Variants in SMARCC1 observed in about 807,000 individuals in gnomAD.
The protein encoded by SMARCC1 is SWI/SNF related BAF chromatin remodeling complex subunit C1.
Under a neutral mutation model 147.4 loss-of-function variants are expected in SMARCC1, and 43 were observed. The observed-to-expected ratio is 0.29, with a 90% confidence interval of 0.23 to 0.38. The LOEUF (loss-of-function observed/expected upper bound fraction) is 0.38, where lower values mean the gene tolerates loss of function less well. Ranked by LOEUF, SMARCC1 falls within the 10% of genes least tolerant of loss-of-function variation. The probability of loss-of-function intolerance (pLI) is 1.00; values close to 1 mark genes in which losing one functional copy is unlikely to be tolerated. For missense variants in SMARCC1, 1,119 were observed against 1,381.1 expected (o/e 0.81, Z 3.01); for synonymous variants, 495 against 484.4 (o/e 1.02, Z -0.29).
At chr3:47,760,448 G>A (rs2034760563) in intron 2 of SMARCC1, among the ~76,000 whole-genome samples, 2 of 152,056 alleles carry the variant, frequency 1.3e-5, no homozygotes, top group Non-Finnish European at 2.9e-5. Flanking sequence ...AGTTACCTGA[G>A]GTCAGGAGTT....
rs543450272 is a variant in SMARCC1, at chr3:47,752,040, C to T, written c.316-6047G>A. Among the ~76,000 whole-genome samples the T allele has an allele frequency of 6.6e-5, 10 of 152,224 alleles. No homozygotes were observed. The South Asian group carries it at 8.3e-4, about 13-fold the overall frequency. On this transcript the variant is annotated intron_variant, in intron 2 of 27. Transcript: ENST00000254480. ...CAGAGGTTGCGATGAACCGAGATTG[C>T]GCCACTGTACTCCAGCCTGAGTGAC...
At chr3:47,682,271 G>A (rs1391667672) in intron 14 of SMARCC1, among the ~76,000 whole-genome samples, 1 of 150,156 alleles carries the variant, frequency 6.7e-6, no homozygotes, top group Non-Finnish European at 1.5e-5. Flanking sequence ...CTCCAGCCTG[G>A]GGGACAGAGC....
At chr3:47,661,995 CTTT>C (rs11336122) in intron 20 of SMARCC1, among the ~76,000 whole-genome samples, 11 of 142,444 alleles carry the variant, frequency 7.7e-5, no homozygotes, top group Admixed American at 7.0e-5. Context: ...TTTTGTAATA[CTTT>C]TTTTTTTTTT....
At chr3:47,733,999 A>G (rs779255081) in intron 5 of SMARCC1, among the ~76,000 whole-genome samples, 23 of 152,016 alleles carry the variant, frequency 1.5e-4, no homozygotes, top group Non-Finnish European at 2.9e-4. Context: ...ATATGTATGT[A>G]TATCTACATA....
intron 10 of SMARCC1, among the ~76,000 whole-genome samples, chr3:47,704,182 T>C (rs1324466454): frequency 6.6e-6 from 1 of 152,078 alleles, no homozygotes; most frequent in Non-Finnish European, 1.5e-5. Context: ...AAGTGCTGCA[T>C]GATGATTTTT....
chr3:47,588,342 G>A lies in SMARCC1; in HGVS notation c.3221-36C>T, dbSNP rs887585826. On this transcript the variant is annotated intron_variant, in intron 27 of 27. Transcript: ENST00000254480. ...ATCCAAGAGTAACTCGTTATTGCTG[G>A]AAATACAAGAGACTCAGGAAAGAGC... 8 of 1,580,186 alleles carry A rather than the reference G, an allele frequency of 5.1e-6. No homozygotes were observed. The African/African-American group carries it at 8.1e-5, about 16-fold the overall frequency.
In SMARCC1 at chr3:47,673,398, G is replaced by T. The variant is rs1347234986; in HGVS notation, c.1839+2077C>A. ...GAGACTCTGTCTCAAAAAAAAAAGG[G>T]TGGGGGGGGGGCAGGCCAGTGGCTC... On this transcript the variant is annotated intron_variant, in intron 18 of 27. Coordinates refer to ENST00000254480, the MANE Select transcript of SMARCC1 (RefSeq NM_003074.4). Among the ~76,000 whole-genome samples, 108 of 120,270 alleles carry T rather than the reference G, an allele frequency of 9.0e-4. 15 individuals are homozygous for T. Among genetic ancestry groups the T allele is most frequent in the African/African-American group, 3.3e-3 (96 of 28,930 alleles). The allele number at this position is 120,270 out of a possible 152,430, so 78.9% of individuals were successfully genotyped here. A position where few individuals can be genotyped will look rare whatever the true frequency, so the allele number is the denominator to read the frequency against.
rs765886421 is a variant in SMARCC1, at chr3:47,753,185, C to T, written c.316-7192G>A. ...ATGGTAAAACCCCATCTTAGTCGGA[C>T]GTGGTGGGACACGTCTGTAGTCCCA... On this transcript the variant is annotated intron_variant, in intron 2 of 27. Coordinates refer to ENST00000254480, the MANE Select transcript of SMARCC1 (RefSeq NM_003074.4). Among the ~76,000 whole-genome samples the T allele has an allele frequency of 6.2e-4, 94 of 151,538 alleles. 1 individual carries two copies. Among genetic ancestry groups the T allele is most frequent in the Admixed American group, 2.8e-3 (43 of 15,162 alleles).
At chr3:47,685,780 C>A (rs1362492149) in intron 14 of SMARCC1, among the ~76,000 whole-genome samples, 10 of 152,128 alleles carry the variant, frequency 6.6e-5, no homozygotes, top group Admixed American at 6.6e-4. Context: ...TCACTTGAAA[C>A]CGGGAGGCAG....
intron 26 of SMARCC1, among the ~76,000 whole-genome samples, chr3:47,607,399 G>T (rs1003717718): frequency 7.9e-5 from 12 of 152,222 alleles, no homozygotes; most frequent in African/African-American, 2.9e-4. Context: ...GAATAAGTGT[G>T]TTGATAATAC....
chr3:47,656,686 G>A (rs1265570231), intron 21 of SMARCC1, among the ~76,000 whole-genome samples: 4 of 152,104 alleles, frequency 2.6e-5, no homozygotes, highest in South Asian at 2.1e-4. Context: ...AGGCAGACAT[G>A]GGTGGATCAC....
intron 13 of SMARCC1, among the ~76,000 whole-genome samples, chr3:47,688,353 A>T (rs2033753824): frequency 6.6e-6 from 1 of 152,054 alleles, no homozygotes; most frequent in South Asian, 2.1e-4. Context: ...GAAGAGTCAT[A>T]AGAAAAGAGT....
chr3:47,681,765 A>G (rs977378858), intron 14 of SMARCC1, among the ~76,000 whole-genome samples: 3 of 152,240 alleles, frequency 2.0e-5, no homozygotes, highest in Non-Finnish European at 4.4e-5. Context: ...GATAATTTCT[A>G]AGATGGATTA....
chr3:47,669,823 T>A (rs1476214895), intron 19 of SMARCC1, among the ~76,000 whole-genome samples: 2 of 152,162 alleles, frequency 1.3e-5, no homozygotes, highest in African/African-American at 4.8e-5. Context: ...TGAAAAACCA[T>A]CAAAGCAGTA....
intron 26 of SMARCC1, among the ~76,000 whole-genome samples, chr3:47,596,517 A>C (rs190398162): frequency 9.2e-4 from 140 of 151,764 alleles, no homozygotes; most frequent in Non-Finnish European, 1.7e-3. Flanking sequence ...CAGTGAGCCG[A>C]GATCATGCCA....
chr3:47,779,215 CAGAA>C (rs1349336488), intron 1 of SMARCC1, among the ~76,000 whole-genome samples: 1 of 151,936 alleles, frequency 6.6e-6, no homozygotes, highest in African/African-American at 2.4e-5. Flanking sequence ...CTGGGCAACA[CAGAA>C]AGACCCTGTC....
intron 1 of SMARCC1, among the ~76,000 whole-genome samples, chr3:47,779,330 A>G (rs951448371): frequency 5.9e-5 from 9 of 152,232 alleles, no homozygotes; most frequent in Non-Finnish European, 8.8e-5. Flanking sequence ...TGCAGTATTA[A>G]ATGCACTAGA....
At chr3:47,705,889 T>C (rs1041475943) in intron 10 of SMARCC1, among the ~76,000 whole-genome samples, 5 of 152,170 alleles carry the variant, frequency 3.3e-5, no homozygotes, top group African/African-American at 1.2e-4. Flanking sequence ...TAAAGTCTCA[T>C]TTAACCCTCA....
At chr3:47,743,657 A>G (rs905454216) in intron 3 of SMARCC1, among the ~76,000 whole-genome samples, 1 of 151,936 alleles carries the variant, frequency 6.6e-6, no homozygotes, top group Non-Finnish European at 1.5e-5. Context: ...TACTAAAAAT[A>G]CAAAAATTAG....
Sources: gnomAD v4.1 joint callset for allele counts (sites outside exome capture counted in the v4.1 genomes callset) on GRCh38, gnomAD v4.1.1 for gene constraint, MANE v1.5 for transcripts, NCBI Gene and HGNC (gene_info 2026-07-23, HGNC 2026-07-21) for gene names.